Variants in CFAP54 observed in about 807,000 individuals in gnomAD.
CFAP54 encodes the protein cilia and flagella associated protein 54.
In CFAP54, 290 loss-of-function variants were observed where a neutral mutation model predicts 370.4. The ratio of observed to expected loss-of-function variants is 0.78; its 90% CI spans 0.71 to 0.86. CFAP54 has a LOEUF of 0.86. CFAP54 is among the 40% of genes least tolerant of loss of function. The probability of loss-of-function intolerance (pLI) is 0.00; values close to 1 mark genes in which losing one functional copy is unlikely to be tolerated. For synonymous variants in CFAP54, 1,206 were observed against 1,236.5 expected, an observed-to-expected ratio of 0.98 and a Z score of 0.52; for missense variants, 3,399 against 3,528.7, an observed-to-expected ratio of 0.96 and a Z score of 0.93.
rs1227351998 is a variant in CFAP54 at position 96,777,687 on chromosome 12, A to T, written c.8282-7030A>T. Among the ~76,000 whole-genome samples, 3 of 152,010 alleles carry T rather than the reference A, an allele frequency of 2.0e-5. No individual in the cohort carries two copies. In the East Asian group the frequency reaches 5.8e-4, roughly 29 times the overall value. On this transcript the variant is annotated intron_variant, in intron 60 of 67. Coordinates refer to ENST00000524981, the MANE Select transcript of CFAP54 (RefSeq NM_001306084.2). ...CTTAAGTGAAACTGACATTTGAATC[A>T]ATGTGTTCATTCTACTATGAGGGCA...
At position 96,676,999 on chromosome 12, in the gene CFAP54, T is replaced by C. The variant is rs75295420; in HGVS notation, c.5564-2601T>C. Among the ~76,000 whole-genome samples the C allele has an allele frequency of 8.2e-3, 271 of 33,014 alleles. 4 individuals are homozygous for C. In the East Asian group the frequency reaches 0.27, roughly 33 times the overall value. 21.7% of individuals were successfully genotyped at this position (33,014 alleles called of 152,430 possible). A position where few individuals can be genotyped will look rare whatever the true frequency, so the allele number is the denominator to read the frequency against. On this transcript the variant is annotated intron_variant, in intron 39 of 67. Coordinates refer to ENST00000524981, the MANE Select transcript of CFAP54 (RefSeq NM_001306084.2). Reference sequence around the variant, plus strand: ...GCCCCAAATATCTGTGCAAAATAAATTTCTTTTCTTTTCTTTTTTTTGAGA... The same window carrying C: ...GCCCCAAATATCTGTGCAAAATAAACTTCTTTTCTTTTCTTTTTTTTGAGA...
chr12:96,594,861 C>T (rs529603606), intron 25 of CFAP54, among the ~76,000 whole-genome samples: 2 of 152,146 alleles, frequency 1.3e-5, no homozygotes, highest in South Asian at 2.1e-4. Context: ...TTAGGATTTA[C>T]AGAAAAAGGG....
At chr12:96,538,620 A>G (rs1264743266) in intron 13 of CFAP54, 102 bp downstream of exon 13, 1 of 1,186,456 alleles carries the variant, frequency 8.4e-7, no homozygotes, top group Admixed American at 2.3e-5. Context: ...TCACCTGGTT[A>G]ATGACTTTCA....
At chr12:96,599,875 G>C (rs1052802298) in intron 26 of CFAP54, among the ~76,000 whole-genome samples, 3 of 152,020 alleles carry the variant, frequency 2.0e-5, no homozygotes, top group African/African-American at 7.2e-5. Context: ...TTGTAAATTT[G>C]TTTAAGTTCT....
chr12:96,837,993 G>C (rs1320036886), intron 66 of CFAP54, among the ~76,000 whole-genome samples: 1 of 152,182 alleles, frequency 6.6e-6, no homozygotes, highest in Non-Finnish European at 1.5e-5. Context: ...TTTTAGAAGG[G>C]TTCACTAGTT....
intron 40 of CFAP54, among the ~76,000 whole-genome samples, chr12:96,683,983 G>T (rs1267312067): frequency 6.6e-6 from 1 of 152,048 alleles, no homozygotes; most frequent in Non-Finnish European, 1.5e-5. Context: ...GTAGAGACGG[G>T]GTTTCACCAT....
chr12:96,682,371 A>AG, intron 40 of CFAP54: 1 of 967,978 alleles, frequency 1.0e-6, no homozygotes, highest in Non-Finnish European at 1.2e-6. Flanking sequence ...ATTTTCTTTA[A>AG]ATTTTTTTTT....
At chr12:96,864,950 ATAT>A (rs1391700077) in intron 67 of CFAP54, among the ~76,000 whole-genome samples, 3 of 152,132 alleles carry the variant, frequency 2.0e-5, no homozygotes, top group Non-Finnish European at 4.4e-5. Flanking sequence ...AAAGATTTAA[ATAT>A]TATTATTTAT....
intron 45 of CFAP54, among the ~76,000 whole-genome samples, chr12:96,696,538 G>C (rs1957441612): frequency 6.6e-6 from 1 of 152,020 alleles, no homozygotes; most frequent in East Asian, 1.9e-4. Flanking sequence ...TCCTAGAGTA[G>C]CATAAAAACC....
chr12:96,562,463 G>A (rs936551526), intron 17 of CFAP54, among the ~76,000 whole-genome samples: 1 of 121,244 alleles, frequency 8.2e-6, no homozygotes, highest in Non-Finnish European at 1.6e-5. Flanking sequence ...GTCTCCCTCT[G>A]TCACCTAGGC....
At chr12:96,571,426 T>C (rs1955915496) in intron 19 of CFAP54, among the ~76,000 whole-genome samples, 2 of 152,186 alleles carry the variant, frequency 1.3e-5, no homozygotes, top group South Asian at 4.1e-4. Context: ...ATTTCTTGGC[T>C]GAGTCCCCGT....
At chr12:96,492,515 T>C (rs1315299219) in intron 1 of CFAP54, among the ~76,000 whole-genome samples, 1 of 152,250 alleles carries the variant, frequency 6.6e-6, no homozygotes, top group Non-Finnish European at 1.5e-5. Flanking sequence ...CGAATGCAGA[T>C]TCACTCATAG....
At chr12:96,593,070 A>G (rs1956142879) in intron 24 of CFAP54, among the ~76,000 whole-genome samples, 1 of 152,116 alleles carries the variant, frequency 6.6e-6, no homozygotes. Context: ...TAACACTTTT[A>G]TAATCTATCT....
intron 61 of CFAP54, among the ~76,000 whole-genome samples, chr12:96,785,606 G>A (rs1462568221): frequency 6.6e-6 from 1 of 152,126 alleles, no homozygotes; most frequent in Non-Finnish European, 1.5e-5. Flanking sequence ...AAAGGTTCAT[G>A]GTGATGGGGG....
chr12:96,818,589 A>G (rs2062783277), intron 65 of CFAP54, among the ~76,000 whole-genome samples: 1 of 152,208 alleles, frequency 6.6e-6, no homozygotes, highest in African/African-American at 2.4e-5. Flanking sequence ...TTACCCCTGA[A>G]TTAGCCAGAC....
At chr12:96,853,330 A>G (rs1181759881) in intron 66 of CFAP54, among the ~76,000 whole-genome samples, 1 of 152,154 alleles carries the variant, frequency 6.6e-6, no homozygotes, top group Non-Finnish European at 1.5e-5. Flanking sequence ...GCAAGATTCT[A>G]TTCATATGCA....
At chr12:96,641,173 A>G (rs1254392142) in intron 32 of CFAP54, among the ~76,000 whole-genome samples, 1 of 152,088 alleles carries the variant, frequency 6.6e-6, no homozygotes, top group Non-Finnish European at 1.5e-5. Flanking sequence ...TTTGCAATCT[A>G]TCCATCTGAC....
intron 40 of CFAP54, 57 bp from the exon 41 acceptor site, chr12:96,684,591 T>TA: frequency 6.8e-7 from 1 of 1,460,206 alleles, no homozygotes. Flanking sequence ...CTTGCAAATA[T>TA]AAAAAAATAT....
chr12:96,784,156 G>A (rs1245439146), intron 60 of CFAP54, among the ~76,000 whole-genome samples: 2 of 152,146 alleles, frequency 1.3e-5, no homozygotes, highest in African/African-American at 4.8e-5. Flanking sequence ...ATGGGTATCT[G>A]CATTTTCAGT....
Sources: allele counts gnomAD v4.1 joint callset (sites outside exome capture counted in the v4.1 genomes callset), GRCh38; gene constraint gnomAD v4.1.1; transcripts MANE v1.5; gene names NCBI Gene and HGNC (gene_info 2026-07-23, HGNC 2026-07-21).